Variants in PRKCH observed in about 807,000 individuals in gnomAD.
PRKCH encodes protein kinase C eta, also known as protein kinase C eta type.
In PRKCH, 28 loss-of-function variants were observed where a neutral mutation model predicts 82.5. The observed-to-expected ratio is 0.34, with a 90% CI of 0.25 to 0.47. The LOEUF is 0.47. Ranked by LOEUF, PRKCH falls within the 20% of genes least tolerant of loss-of-function variation. The pLI is 1.00. For missense variants in PRKCH, 705 were observed against 881.8 expected, an observed-to-expected ratio of 0.80 and a Z score of 2.54; for synonymous variants, 322 against 327.4, an observed-to-expected ratio of 0.98 and a Z score of 0.18.
intron 1 of PRKCH, among the ~76,000 whole-genome samples, chr14:61,273,298 G>T (rs1056637430): frequency 6.6e-5 from 10 of 152,154 alleles, no homozygotes; most frequent in African/African-American, 2.4e-4. Context: ...TGTGCCAAAT[G>T]TTATAAACCA....
At chr14:61,485,282 G>A (rs1315736355) in intron 9 of PRKCH, among the ~76,000 whole-genome samples, 1 of 152,166 alleles carries the variant, frequency 6.6e-6, no homozygotes, top group Non-Finnish European at 1.5e-5. Context: ...ATTCAAGGCT[G>A]TGTGAAATGA....
chr14:61,323,108 G>A (rs184335628), intron 1 of PRKCH, among the ~76,000 whole-genome samples: 1 of 152,262 alleles, frequency 6.6e-6, no homozygotes, highest in Admixed American at 6.5e-5. Flanking sequence ...GAGTCCTGCA[G>A]TGTGGGTTTC....
At chr14:61,387,527 A>G (rs2046606778) in intron 1 of PRKCH, among the ~76,000 whole-genome samples, 1 of 152,258 alleles carries the variant, frequency 6.6e-6, no homozygotes, top group Non-Finnish European at 1.5e-5. Context: ...TTGTATTCAT[A>G]GAGAAAGATC....
intron 9 of PRKCH, among the ~76,000 whole-genome samples, chr14:61,466,880 A>C (rs1454347683): frequency 6.6e-6 from 1 of 152,106 alleles, no homozygotes. Context: ...TCCGTAAGAA[A>C]CCACTTCTCA....
intron 1 of PRKCH, among the ~76,000 whole-genome samples, chr14:61,265,406 G>A (rs1244179290): frequency 6.6e-6 from 1 of 152,180 alleles, no homozygotes; most frequent in Non-Finnish European, 1.5e-5. Context: ...GCTTGAGCCT[G>A]GGATGCGGAA....
In PRKCH at chr14:61,285,116, C is replaced by A. The variant is rs1277792512; in HGVS notation, c.-19+97448C>A. ...AAAAAAAACTATGTGTCTCCCTTTCCCCCTAACGTTTTCTTTCAGATTTTT... is the reference window on the plus strand; with the variant it reads ...AAAAAAAACTATGTGTCTCCCTTTCACCCTAACGTTTTCTTTCAGATTTTT... On this transcript the variant is annotated intron_variant, in intron 1 of 3. Coordinates refer to the PRKCH transcript ENST00000555185. Among the ~76,000 whole-genome samples the A allele has an allele frequency of 5.9e-5, 9 of 152,052 alleles. No individual in the cohort carries two copies. The South Asian group carries it at 1.0e-3, about 18-fold the overall frequency.
chr14:61,188,417 C>T (rs1421575156), intron 1 of PRKCH, among the ~76,000 whole-genome samples: 4 of 150,612 alleles, frequency 2.7e-5, no homozygotes, highest in African/African-American at 5.0e-5. Flanking sequence ...GTTCTGGCTC[C>T]GGCTCTGGCT....
intron 2 of PRKCH, chr14:61,442,519 A>G (rs1435294388): frequency 6.6e-6 from 1 of 152,304 alleles, no homozygotes; most frequent in Non-Finnish European, 1.5e-5. Flanking sequence ...TGCTGATGTC[A>G]CATACTGCCC....
intron 1 of PRKCH, among the ~76,000 whole-genome samples, chr14:61,273,615 A>G (rs1014388479): frequency 1.3e-5 from 2 of 152,244 alleles, no homozygotes; most frequent in African/African-American, 4.8e-5. Context: ...CCCATCTGCT[A>G]TTCATTTTTG....
chr14:61,329,125 T>C (rs1427849080), intron 1 of PRKCH, among the ~76,000 whole-genome samples: 1 of 151,996 alleles, frequency 6.6e-6, no homozygotes, highest in Non-Finnish European at 1.5e-5. Flanking sequence ...TCCACTCTTA[T>C]CATTACTGTA....
intron 1 of PRKCH, among the ~76,000 whole-genome samples, chr14:61,188,739 G>GTGTGT (rs1491089927): frequency 2.1e-4 from 30 of 144,426 alleles, no homozygotes; most frequent in East Asian, 6.2e-4. Context: ...GTGTGTGTGT[G>GTGTGT]ATGGAGTTTT....
intron 2 of PRKCH, among the ~76,000 whole-genome samples, chr14:61,395,300 G>GCCC (rs958125677): frequency 1.5e-5 from 2 of 136,058 alleles, no homozygotes; most frequent in Admixed American, 7.5e-5. Flanking sequence ...GCCCCCCCCC[G>GCCC]CATTTGCCTG....
chr14:61,486,320 C>T (rs1273367512), intron 10 of PRKCH, among the ~76,000 whole-genome samples: 2 of 152,268 alleles, frequency 1.3e-5, no homozygotes, highest in South Asian at 4.1e-4. Flanking sequence ...GAGCATGGCT[C>T]ACCAGTCAGG....
chr14:61,351,088 G>A lies in PRKCH; in HGVS notation c.363+28624G>A, dbSNP rs957146699. Among the ~76,000 whole-genome samples the A allele has an allele frequency of 3.9e-5, 6 of 152,102 alleles. No homozygotes were observed. The East Asian group carries it at 5.8e-4, about 15-fold the overall frequency. ...TAATCTATCAATCATTTCATATAAC[G>A]TTAAGTAGAACTGATTTAGGAAATT... On this transcript the variant is annotated intron_variant, in intron 1 of 13. Transcript: ENST00000332981.
At chr14:61,367,433 G>A (rs1392180324) in intron 1 of PRKCH, among the ~76,000 whole-genome samples, 1 of 151,686 alleles carries the variant, frequency 6.6e-6, no homozygotes. Context: ...CGTGGATGAG[G>A]TCATTGTGGG....
chr14:61,356,256 A>G lies in PRKCH; in HGVS notation c.363+33792A>G, dbSNP rs1481120936. Among the ~76,000 whole-genome samples, 5 of 152,188 alleles carry G rather than the reference A, an allele frequency of 3.3e-5. No individual in the cohort carries two copies. The South Asian group carries it at 6.2e-4, about 19-fold the overall frequency. The stretch of plus-strand genomic sequence containing the variant: ...GGGTTGGGAGGAATTGGAATCATGT[A>G]CTTCTATTGTTGCTGTCCAAAGTGG... On this transcript the variant is annotated intron_variant, in intron 1 of 13. Coordinates refer to ENST00000332981, the MANE Select transcript of PRKCH (RefSeq NM_006255.5).
At chr14:61,319,452 A>G (rs1375949135), upstream of PRKCH, among the ~76,000 whole-genome samples, 1 of 152,084 alleles carries the variant, frequency 6.6e-6, no homozygotes, top group Non-Finnish European at 1.5e-5. Context: ...CTCTGTCACC[A>G]TTGCCAATCC....
At chr14:61,239,374 G>T (rs761731673) in intron 1 of PRKCH, among the ~76,000 whole-genome samples, 2 of 152,148 alleles carry the variant, frequency 1.3e-5, no homozygotes, top group African/African-American at 2.4e-5. Flanking sequence ...TGAGCGCCTG[G>T]GTGCAGGTGG....
chr14:61,375,217 C>T (rs111366338), intron 1 of PRKCH, among the ~76,000 whole-genome samples: 1,728 of 152,138 alleles, frequency 0.011, 57 homozygotes, highest in African/African-American at 0.039. Flanking sequence ...CCAGTAAGTT[C>T]CTCAGTCTCC....
Sources: allele counts gnomAD v4.1 joint callset (sites outside exome capture counted in the v4.1 genomes callset), GRCh38; gene constraint gnomAD v4.1.1; transcripts MANE v1.5; gene names NCBI Gene and HGNC (gene_info 2026-07-23, HGNC 2026-07-21).